Variants in TNS2 observed in about 807,000 individuals in gnomAD.
TNS2 encodes the protein tensin-2.
In TNS2, 77 loss-of-function variants were observed where a neutral mutation model predicts 155.7. The observed-to-expected ratio is 0.49, with a 90% CI of 0.41 to 0.60. The LOEUF (loss-of-function observed/expected upper bound fraction) is 0.60, where lower values mean the gene tolerates loss of function less well. TNS2 is among the 20% of genes least tolerant of loss of function. The pLI, the probability that TNS2 is intolerant of heterozygous loss-of-function variation, is 0.00. For synonymous variants in TNS2, 726 were observed against 763.9 expected (o/e 0.95, Z 0.82); for missense variants, 1,703 against 1,868.8 (o/e 0.91, Z 1.64).
chr12:53,061,637 A>C (rs973510056), intron 21 of TNS2, 168 bp downstream of exon 21: 1 of 1,344,202 alleles, frequency 7.4e-7, no homozygotes, highest in Non-Finnish European at 1.0e-6. Context: ...CAAGGCGGTG[A>C]GATCCAACAT....
At chr12:53,055,925 G>C (rs1944137125) in intron 10 of TNS2, 80 bp downstream of exon 10, 1 of 1,452,126 alleles carries the variant, frequency 6.9e-7, no homozygotes. Context: ...ATCTCCCCTG[G>C]AGCCCACCTC....
At chr12:53,049,140 G>A (rs747199167), upstream of TNS2, 21 of 1,551,194 alleles carry the variant, frequency 1.4e-5, no homozygotes, top group Non-Finnish European at 1.7e-5. Context: ...GAGGCCGGAG[G>A]CCCATGGATG....
intron 16 of TNS2, 30 bp from the exon 17 acceptor site, chr12:53,058,684 G>T (rs753921439): frequency 6.2e-7 from 1 of 1,613,946 alleles, no homozygotes; most frequent in Non-Finnish European, 8.5e-7. Context: ...CCTCTCCCCT[G>T]CTCCCCAATA....
upstream of TNS2, chr12:53,049,276 G>T (rs372551154): frequency 8.8e-6 from 14 of 1,584,706 alleles, no homozygotes; most frequent in African/African-American, 1.3e-5. Flanking sequence ...GGGTTGCCGC[G>T]GGGGGAGGGT....
At chr12:53,053,575 CTA>C in intron 4 of TNS2, 126 bp downstream of exon 4, 1 of 1,411,096 alleles carries the variant, frequency 7.1e-7, no homozygotes, top group Non-Finnish European at 9.7e-7. Context: ...ATTGCTCATC[CTA>C]TGAGGAAAGA....
Position 53,054,426 on chromosome 12 carries a change from C to T in TNS2, c.507C>T (p.His169=). Residue 169 remains histidine, a synonymous_variant, in exon 7 of 29, where the codon CAC becomes CAT. Coordinates refer to ENST00000314250, the MANE Select transcript of TNS2 (RefSeq NM_170754.4). ...TGGCCCATGTGCTGCAATCCAAGCA[C>T]CGGGACAAGTACCTGGTGAGGGGCG... ...RELAHVLQSK[H]RDKYLLFNLS... The T allele has an allele frequency of 6.2e-7, 1 of 1,604,598 alleles. No homozygotes were observed. Among genetic ancestry groups the T allele is most frequent in the Non-Finnish European group, 8.5e-7 (1 of 1,177,366 alleles).
rs1191588117 is a variant in TNS2, at chr12:53,062,238, C to T, written c.3660C>T (p.Pro1220=). ...GVKIKGCPSE[P]YFGSLSALVS... ...AGATCAAGGGCTGCCCCAGTGAGCC[C>T]TACTTTGGTGAGAAGCAGGAGCCTG... Residue 1220 remains proline, a synonymous_variant, in exon 23 of 29, where the codon CCC becomes CCT. Transcript: ENST00000314250. 1.9e-6 allele frequency: 3 copies of T among 1,613,850 alleles called. No homozygotes were observed. Among genetic ancestry groups the T allele is most frequent in the Non-Finnish European group, 2.5e-6 (3 of 1,179,958 alleles).
chr12:53,061,473 A>G lies in TNS2; in HGVS notation c.3448+4A>G. 6.2e-7 allele frequency: 1 copy of G among 1,613,986 alleles called. No individual in the cohort carries two copies. Among genetic ancestry groups the G allele is most frequent in the Non-Finnish European group, 8.5e-7 (1 of 1,179,954 alleles). ...CCACACCTGTCCCGTGACCAAGGTGAGAAGCCAGCCTGCCCCCACCCCACT... is the reference window on the plus strand; with the variant it reads ...CCACACCTGTCCCGTGACCAAGGTGGGAAGCCAGCCTGCCCCCACCCCACT... On this transcript the variant is annotated splice_donor_region_variant and intron_variant, in intron 21 of 28. Transcript: ENST00000314250.
chr12:53,051,891 G>C lies in TNS2; in HGVS notation c.112G>C (p.Val38Leu). The change falls in exon 2 of 29, where the codon GTT becomes CTT. Residue 38 changes from valine (V) to leucine (L), a missense_variant. Val to Leu is a conservative substitution (Grantham distance 32). Coordinates refer to ENST00000314250, the MANE Select transcript of TNS2 (RefSeq NM_170754.4). ...KAEPHSFREKVFRKKPPVCAV... is the reference protein window; with the variant it reads ...KAEPHSFREKLFRKKPPVCAV... ...TGAGCCTCATAGCTTCCGGGAGAAG[G>C]TTTTCCGGAAGAAACCTCCAGTCTG... is the stretch of plus-strand genomic sequence containing the variant. The C allele has an allele frequency of 6.2e-7, 1 of 1,613,654 alleles. No homozygotes were observed. The highest frequency in any genetic ancestry group is 8.5e-7 in the Non-Finnish European group (1 of 1,179,780).
upstream of TNS2, chr12:53,049,305 G>T: frequency 6.9e-7 from 1 of 1,454,504 alleles, no homozygotes; most frequent in Non-Finnish European, 9.5e-7. Flanking sequence ...TGGGTAGAGA[G>T]CCCAAGTTGC....
chr12:53,047,964 G>T (rs116884371), upstream of TNS2, among the ~76,000 whole-genome samples: 4 of 152,212 alleles, frequency 2.6e-5, no homozygotes, highest in East Asian at 3.9e-4. Context: ...TTCCAGAAAG[G>T]GGGGTGTGGG....
chr12:53,062,855 C>A, intron 25 of TNS2, 158 bp downstream of exon 25: 1 of 1,020,828 alleles, frequency 9.8e-7, no homozygotes, highest in Non-Finnish European at 1.4e-6. Context: ...GAATTGGGTC[C>A]TCAGCCTAGG....
At chr12:53,052,590 T>C in intron 3 of TNS2, 98 bp downstream of exon 3, 1 of 1,495,784 alleles carries the variant, frequency 6.7e-7, no homozygotes, top group Non-Finnish European at 9.3e-7. Flanking sequence ...ACCCTCCACC[T>C]CCACCCCTCT....
At chr12:53,049,060 C>T (rs1592237931), upstream of TNS2, 2 of 1,035,766 alleles carry the variant, frequency 1.9e-6, no homozygotes, top group Non-Finnish European at 2.8e-6. Flanking sequence ...ATTACTCCCC[C>T]TTTTTCAAGG....
chr12:53,060,399 C>G lies in TNS2; in HGVS notation c.2618-6C>G. On this transcript the variant is annotated splice_region_variant and splice_polypyrimidine_tract_variant and intron_variant, in intron 18 of 28. Transcript: ENST00000314250. The surrounding 1 kb of genome is among the most constrained non-coding windows in gnomAD (Gnocchi z 6.1). ...GCTCACAGCCCACCTCTCCCCTTCA[C>G]TGCAGAGTCGCTGGAGCCGGTGTCC... is the stretch of plus-strand genomic sequence containing the variant. 1 of 1,611,902 alleles carries G rather than the reference C, an allele frequency of 6.2e-7. No individual in the cohort carries two copies. Among genetic ancestry groups the G allele is most frequent in the Non-Finnish European group, 8.5e-7 (1 of 1,179,038 alleles).
chr12:53,057,033 C>G lies in TNS2; in HGVS notation c.782C>G (p.Thr261Ser). ...ISAGADQALA[T>S]LTMRKFCEDK... is the part of the protein sequence containing the mutation. ...CCCAGGGCGGACCAGGCACTGGCCA[C>G]TCTTACCATGCGGAAATTCTGCGAG... The change falls in exon 11 of 29, where the codon ACT becomes AGT. Residue 261 changes from threonine (T) to serine (S), a missense_variant. Transcript: ENST00000314250. 1 of 1,613,774 alleles carries G rather than the reference C, an allele frequency of 6.2e-7. No homozygotes were observed. The highest frequency in any genetic ancestry group is 1.1e-5 in the South Asian group (1 of 90,940).
Position 53,057,659 on chromosome 12 carries a change from C to T in TNS2, c.938C>T (p.Pro313Leu). 1.2e-6 allele frequency: 2 copies of T among 1,614,168 alleles called. No homozygotes were observed. Among genetic ancestry groups the T allele is most frequent in the South Asian group, 1.1e-5 (1 of 91,074 alleles). The change falls in exon 12 of 29, where the codon CCA (proline) becomes CTA (leucine). Residue 313 changes from proline (P) to leucine (L), a missense_variant. Physicochemically the swap from Pro to Leu is moderately conservative, Grantham distance 98. Coordinates refer to ENST00000314250, the MANE Select transcript of TNS2 (RefSeq NM_170754.4). ...CACTATGTGCTCATCCCCATGCTGC[C>T]AGCCTTTGAACCTGGCACAGGTGAG... ...FLHYVLIPMLPAFEPGTGFQP... is the reference protein window; with the variant it reads ...FLHYVLIPMLLAFEPGTGFQP...
Position 53,063,648 on chromosome 12 carries a change from CCT to C in TNS2, c.4091+60_4091+61del. 1.9e-6 allele frequency: 3 copies of C among 1,614,176 alleles called. No homozygotes were observed. The South Asian group carries it at 3.3e-5, about 18-fold the overall frequency. On this transcript the variant is annotated intron_variant, in intron 28 of 28. Transcript: ENST00000314250. This position sits in a 1 kb window ranked among gnomAD's most constrained non-coding sequence, Gnocchi z 5.6. ...TTCCAAGGGACCAGGGCGCTGCTGT[CCT>C]CTCAATGCTGGCATTTGATTTGTCT...
At chr12:53,052,367 T>A in intron 2 of TNS2, 88 bp from the exon 3 acceptor site, 1 of 1,546,844 alleles carries the variant, frequency 6.5e-7, no homozygotes, top group Non-Finnish European at 8.9e-7. Context: ...CAGGGTCTGG[T>A]TCCAGGGTCT....
Sources: gnomAD v4.1 joint callset for allele counts (sites outside exome capture counted in the v4.1 genomes callset) on GRCh38, gnomAD v4.1.1 for gene constraint, Gnocchi (gnomAD v3.1) non-coding constraint, MANE v1.5 for transcripts, NCBI Gene and HGNC (gene_info 2026-07-23, HGNC 2026-07-21) for gene names.